Variants in LPP observed in about 807,000 individuals in gnomAD.
The protein encoded by LPP is LIM domain containing preferred translocation partner in lipoma.
In LPP, 38 loss-of-function variants were observed where a neutral mutation model predicts 60.4. That is an observed-to-expected ratio of 0.63 (90% CI 0.49 to 0.83). The LOEUF (loss-of-function observed/expected upper bound fraction) is 0.83, where lower values mean the gene tolerates loss of function less well. LPP is among the 40% of genes least tolerant of loss of function. The pLI is 0.00. For synonymous variants in LPP, 328 were observed against 290.8 expected (o/e 1.13, Z -1.30); for missense variants, 902 against 783.6 (o/e 1.15, Z -1.80).
At chr3:188,484,771 T>C in intron 5 of LPP, 67 bp downstream of exon 5, 1 of 1,131,466 alleles carries the variant, frequency 8.8e-7, no homozygotes, top group Non-Finnish European at 1.3e-6. Flanking sequence ...TAAGCCATCC[T>C]AGGGAGCTCA....
chr3:188,704,901 A>G (rs766944851), intron 7 of LPP, among the ~76,000 whole-genome samples: 7 of 151,614 alleles, frequency 4.6e-5, no homozygotes, highest in Non-Finnish European at 8.8e-5. Flanking sequence ...TGGAAGCAGT[A>G]ATTAACTGAC....
intron 3 of LPP, among the ~76,000 whole-genome samples, chr3:188,404,960 A>C (rs1297745831): frequency 6.6e-6 from 1 of 152,166 alleles, no homozygotes; most frequent in African/African-American, 2.4e-5. Context: ...TTACCCTGAC[A>C]GAGGAGACAT....
At chr3:188,667,581 A>G (rs915973724) in intron 7 of LPP, among the ~76,000 whole-genome samples, 1 of 151,294 alleles carries the variant, frequency 6.6e-6, no homozygotes, top group Non-Finnish European at 1.5e-5. Flanking sequence ...CATCTTCCAG[A>G]TGTGGGAACT....
intron 8 of LPP, among the ~76,000 whole-genome samples, chr3:188,718,725 T>A (rs1365717003): frequency 1.3e-5 from 2 of 152,208 alleles, no homozygotes; most frequent in East Asian, 3.8e-4. Context: ...AATGAACTAA[T>A]AAATGAAAAC....
chr3:188,330,533 G>A (rs576224542), intron 2 of LPP, among the ~76,000 whole-genome samples: 1 of 152,096 alleles, frequency 6.6e-6, no homozygotes, highest in Non-Finnish European at 1.5e-5. Flanking sequence ...CTATCCCAAA[G>A]TATGATTTGA....
chr3:188,693,684 C>A (rs190792574), intron 7 of LPP, among the ~76,000 whole-genome samples: 55 of 152,256 alleles, frequency 3.6e-4, no homozygotes, highest in African/African-American at 1.2e-3. Flanking sequence ...TCTGTTCATG[C>A]CAGCTGTTGT....
intron 8 of LPP, among the ~76,000 whole-genome samples, chr3:188,730,769 G>A (rs1720168186): frequency 6.6e-6 from 1 of 152,230 alleles, no homozygotes. Flanking sequence ...AAACCATCAT[G>A]TTAGCAAAGC....
intron 2 of LPP, among the ~76,000 whole-genome samples, chr3:188,267,143 A>C (rs970881124): frequency 6.6e-6 from 1 of 152,180 alleles, no homozygotes; most frequent in African/African-American, 2.4e-5. Flanking sequence ...TGAAGGGGTC[A>C]GTTCCTGGAA....
Position 188,609,570 on chromosome 3 carries a change from G to T in LPP, c.839G>T (p.Gly280Val). The change falls in exon 7 of 12, where the codon GGA (glycine) becomes GTA (valine). Residue 280 changes from glycine to valine, a missense_variant. By Grantham distance (109) the Gly-to-Val change is moderately radical (BLOSUM62 -3). Transcript: ENST00000617246. The surrounding 1 kb of genome is among the most constrained non-coding windows in gnomAD (Gnocchi z 6.9). ...GMDYAYIPPP[G>V]LQPEPGYGYA... ...GATTATGCCTACATTCCACCACCAG[G>T]ACTTCAGCCGGAGCCTGGGTATGGG... is the stretch of plus-strand genomic sequence containing the variant. 1 of 1,614,138 alleles carries T rather than the reference G, an allele frequency of 6.2e-7. No individual in the cohort carries two copies. The highest frequency in any genetic ancestry group is 8.5e-7 in the Non-Finnish European group (1 of 1,180,028).
chr3:188,249,324 G>A (rs1244088857), intron 2 of LPP, among the ~76,000 whole-genome samples: 1 of 151,972 alleles, frequency 6.6e-6, no homozygotes. Context: ...TTGGGCCTGG[G>A]ACATCAAGGC....
chr3:188,542,931 C>T (rs1201746006), intron 6 of LPP, among the ~76,000 whole-genome samples: 1 of 152,168 alleles, frequency 6.6e-6, no homozygotes, highest in Non-Finnish European at 1.5e-5. Context: ...AAGGAAGTTT[C>T]AGAAGATGAC....
At chr3:188,438,759 A>G (rs1200091665) in intron 4 of LPP, among the ~76,000 whole-genome samples, 1 of 152,222 alleles carries the variant, frequency 6.6e-6, no homozygotes, top group Non-Finnish European at 1.5e-5. Context: ...CCACGTGAAG[A>G]GAATTACGAT....
At chr3:188,757,928 A>G (rs1432130614) in intron 8 of LPP, among the ~76,000 whole-genome samples, 1 of 127,102 alleles carries the variant, frequency 7.9e-6, no homozygotes, top group African/African-American at 2.9e-5. Context: ...TTTCAAAAAT[A>G]GTGCCATATG....
At chr3:188,584,922 A>G (rs1232902098) in intron 6 of LPP, among the ~76,000 whole-genome samples, 1 of 152,152 alleles carries the variant, frequency 6.6e-6, no homozygotes, top group Non-Finnish European at 1.5e-5. Context: ...TTTTTATAAC[A>G]CTTTTTAAAA....
intron 2 of LPP, among the ~76,000 whole-genome samples, chr3:188,239,108 G>A (rs1291813123): frequency 6.6e-6 from 1 of 152,234 alleles, no homozygotes; most frequent in African/African-American, 2.4e-5. Context: ...GATGGTAGTG[G>A]TGTGCAGCTT....
At chr3:188,315,339 A>C (rs1242764609) in intron 2 of LPP, among the ~76,000 whole-genome samples, 1 of 152,108 alleles carries the variant, frequency 6.6e-6, no homozygotes, top group Non-Finnish European at 1.5e-5. Context: ...TTTAAAAAAT[A>C]GCTTTTGCAT....
At chr3:188,667,375 G>A (rs1348530418) in intron 7 of LPP, among the ~76,000 whole-genome samples, 1 of 151,920 alleles carries the variant, frequency 6.6e-6, no homozygotes, top group African/African-American at 2.4e-5. Context: ...CTACTTGGGA[G>A]GCTGAGGCAG....
At chr3:188,446,740 A>G (rs80181275) in intron 4 of LPP, among the ~76,000 whole-genome samples, 2,089 of 152,206 alleles carry the variant, frequency 0.014, 43 homozygotes, top group African/African-American at 0.048. Context: ...TCTAACATCT[A>G]TGTTTTCAAC....
intron 2 of LPP, among the ~76,000 whole-genome samples, chr3:188,265,348 GT>G (rs1201129650): frequency 6.6e-6 from 1 of 152,206 alleles, no homozygotes; most frequent in African/African-American, 2.4e-5. Flanking sequence ...AATTAAGATA[GT>G]GAAAGAGGAC....
Sources: allele counts gnomAD v4.1 joint callset (sites outside exome capture counted in the v4.1 genomes callset), GRCh38; gene constraint gnomAD v4.1.1; non-coding constraint Gnocchi (gnomAD v3.1); transcripts MANE v1.5; gene names NCBI Gene and HGNC (gene_info 2026-07-23, HGNC 2026-07-21).